Variants in CSMD2 observed in about 807,000 individuals in gnomAD.
CSMD2 encodes CUB and sushi domain-containing protein 2.
In CSMD2, 130 loss-of-function variants were observed where a neutral mutation model predicts 398.5. The ratio of observed to expected loss-of-function variants is 0.33; its 90% CI spans 0.28 to 0.38. The LOEUF is 0.38. Among genes scored for constraint, CSMD2 ranks in the 10% least tolerant of loss-of-function variants. The probability of loss-of-function intolerance (pLI) is 1.00; values close to 1 mark genes in which losing one functional copy is unlikely to be tolerated. For missense variants in CSMD2, 3,829 were observed against 4,764.9 expected, an observed-to-expected ratio of 0.80 and a Z score of 5.78; for synonymous variants, 1,828 against 1,908.5, an observed-to-expected ratio of 0.96 and a Z score of 1.10.
At chr1:34,086,581 C>A (rs890030019) in intron 2 of CSMD2, among the ~76,000 whole-genome samples, 1 of 152,152 alleles carries the variant, frequency 6.6e-6, no homozygotes, top group African/African-American at 2.4e-5. Flanking sequence ...CTCCTTTCTC[C>A]CATAGCCCAC....
intron 2 of CSMD2, among the ~76,000 whole-genome samples, chr1:34,044,158 A>G (rs1652208735): frequency 6.6e-6 from 1 of 152,300 alleles, no homozygotes; most frequent in Non-Finnish European, 1.5e-5. Flanking sequence ...AGACCCCCCA[A>G]CACAGAGACT....
chr1:33,785,395 G>GAA (rs36058377), intron 12 of CSMD2, among the ~76,000 whole-genome samples: 1 of 152,238 alleles, frequency 6.6e-6, no homozygotes, highest in African/African-American at 2.4e-5. Context: ...GGTGCAAGGG[G>GAA]AAAATCCATG....
At chr1:34,121,784 G>T (rs543082596) in intron 1 of CSMD2, among the ~76,000 whole-genome samples, 3 of 152,174 alleles carry the variant, frequency 2.0e-5, no homozygotes, top group South Asian at 4.2e-4. Flanking sequence ...CTCTTCCAAG[G>T]TCGCTAACTC....
intron 28 of CSMD2, among the ~76,000 whole-genome samples, chr1:33,650,902 C>T (rs1643720794): frequency 6.6e-6 from 1 of 152,176 alleles, no homozygotes; most frequent in Admixed American, 6.5e-5. Context: ...TTTTGCTGAT[C>T]CTACAATTTT....
intron 5 of CSMD2, among the ~76,000 whole-genome samples, chr1:33,874,568 C>G (rs189441964): frequency 1.3e-5 from 2 of 152,318 alleles, no homozygotes; most frequent in African/African-American, 4.8e-5. Flanking sequence ...TCCTGGGCAT[C>G]TGGACATCCA....
intron 5 of CSMD2, among the ~76,000 whole-genome samples, chr1:33,901,973 C>T (rs1195417687): frequency 6.6e-6 from 1 of 151,996 alleles, no homozygotes; most frequent in Non-Finnish European, 1.5e-5. Flanking sequence ...CTATTTAGGC[C>T]CAGGGTAACT....
intron 3 of CSMD2, among the ~76,000 whole-genome samples, chr1:33,942,923 T>C (rs954111432): frequency 1.3e-5 from 2 of 152,230 alleles, no homozygotes; most frequent in African/African-American, 4.8e-5. Flanking sequence ...AAGACCCTCA[T>C]GGTCTCTTCC....
intron 22 of CSMD2, among the ~76,000 whole-genome samples, chr1:33,701,575 G>A (rs1317118852): frequency 6.6e-6 from 1 of 152,194 alleles, no homozygotes; most frequent in East Asian, 1.9e-4. Flanking sequence ...CAGCAAATTG[G>A]CACAATATTT....
At chr1:33,864,655 A>G (rs148174558) in intron 5 of CSMD2, 49 of 1,613,882 alleles carry the variant, frequency 3.0e-5, no homozygotes, top group Non-Finnish European at 4.0e-5. Context: ...AAGTACTTCG[A>G]GGAACTTGAA....
intron 5 of CSMD2, chr1:33,864,510 C>G: frequency 6.2e-7 from 1 of 1,614,110 alleles, no homozygotes; most frequent in East Asian, 2.2e-5. Context: ...CTGCCAAGAC[C>G]ACTATGCTCA....
At chr1:33,837,050 G>C (rs868103792) in intron 6 of CSMD2, among the ~76,000 whole-genome samples, 1 of 152,184 alleles carries the variant, frequency 6.6e-6, no homozygotes, top group African/African-American at 2.4e-5. Flanking sequence ...AGATGCTGGG[G>C]TCTCAGTTTT....
chr1:34,115,880 A>G (rs1661553289), intron 1 of CSMD2, among the ~76,000 whole-genome samples: 1 of 152,022 alleles, frequency 6.6e-6, no homozygotes, highest in Non-Finnish European at 1.5e-5. Context: ...TTATCAGTCT[A>G]AGACATATTA....
At chr1:33,652,521 G>A in intron 27 of CSMD2, 60 bp from the exon 28 acceptor site, 1 of 1,594,864 alleles carries the variant, frequency 6.3e-7, no homozygotes, top group Non-Finnish European at 8.6e-7. Flanking sequence ...ATTTTCATGG[G>A]TGTTGCTAAT....
chr1:33,593,241 A>C (rs1337645251), intron 44 of CSMD2, among the ~76,000 whole-genome samples: 1 of 152,242 alleles, frequency 6.6e-6, no homozygotes, highest in East Asian at 1.9e-4. Flanking sequence ...TGCCCAATAT[A>C]ATCTCTGGCC....
At chr1:33,550,462 G>A in intron 55 of CSMD2, 112 bp from the exon 56 acceptor site, 5 of 1,184,062 alleles carry the variant, frequency 4.2e-6, no homozygotes, top group Non-Finnish European at 4.7e-6. Context: ...AAACCCAAGG[G>A]TATCTGTTGA....
intron 1 of CSMD2, among the ~76,000 whole-genome samples, chr1:34,126,232 G>A (rs927100197): frequency 3.9e-5 from 6 of 152,106 alleles, no homozygotes; most frequent in East Asian, 1.9e-4. Context: ...GTCTGCCTCC[G>A]GGGAGCTCAA....
intron 15 of CSMD2, among the ~76,000 whole-genome samples, chr1:33,737,154 C>T (rs1203384085): frequency 6.6e-6 from 1 of 152,176 alleles, no homozygotes. Flanking sequence ...TTAACCTAAG[C>T]CCATTAATTC....
chr1:33,633,517 G>C lies in CSMD2; in HGVS notation c.5105C>G (p.Ala1702Gly). Residue 1702 changes from alanine to glycine, a missense_variant, in exon 32 of 71, where the codon GCC becomes GGC. Coordinates refer to ENST00000373381, the MANE Select transcript of CSMD2 (RefSeq NM_001281956.2). This position sits in a 1 kb window ranked among gnomAD's most constrained non-coding sequence, Gnocchi z 5.0. Reference protein sequence around the residue: ...PKDYVVFGQFAFFHTALNDVV... With the variant: ...PKDYVVFGQFGFFHTALNDVV... Reference sequence around the variant, plus strand: ...GTCGTTGAGGGCCGTGTGAAAGAAGGCGAACTGGCCAAACACCACTGTGGA... The same window carrying C: ...GTCGTTGAGGGCCGTGTGAAAGAAGCCGAACTGGCCAAACACCACTGTGGA... 4.5e-6 allele frequency: 7 copies of C among 1,552,658 alleles called. No homozygotes were observed. Among genetic ancestry groups the C allele is most frequent in the Non-Finnish European group, 6.1e-6 (7 of 1,147,402 alleles).
chr1:33,812,270 G>A (rs1245208962), intron 9 of CSMD2, among the ~76,000 whole-genome samples: 4 of 152,178 alleles, frequency 2.6e-5, no homozygotes, highest in Non-Finnish European at 4.4e-5. Context: ...AAGCAGAGCA[G>A]GTGTTGTCAG....
Sources: gnomAD v4.1 joint callset for allele counts (sites outside exome capture counted in the v4.1 genomes callset) on GRCh38, gnomAD v4.1.1 for gene constraint, Gnocchi (gnomAD v3.1) non-coding constraint, MANE v1.5 for transcripts, NCBI Gene and HGNC (gene_info 2026-07-23, HGNC 2026-07-21) for gene names.